C11orf65: variants seen among roughly 807,000 people sequenced by gnomAD.
C11orf65 encodes protein MFI.
Under a neutral mutation model 35.3 loss-of-function variants are expected in C11orf65, and 38 were observed. That is an observed-to-expected ratio of 1.08 (90% CI 0.83 to 1.41). C11orf65 has a LOEUF of 1.41. C11orf65 is among the 40% of genes most tolerant of loss of function. The pLI is 0.00. For missense variants in C11orf65, 370 were observed against 367.1 expected (o/e 1.01, Z -0.06); for synonymous variants, 105 against 114.4 (o/e 0.92, Z 0.53).
intron 3 of C11orf65, among the ~76,000 whole-genome samples, chr11:108,426,893 A>G (rs751714396): frequency 6.6e-6 from 1 of 152,138 alleles, no homozygotes; most frequent in African/African-American, 2.4e-5. Flanking sequence ...CATCTTTGAC[A>G]CTATCTCATT....
intron 2 of C11orf65, among the ~76,000 whole-genome samples, chr11:108,446,846 T>A (rs2135579645): frequency 6.6e-6 from 1 of 152,158 alleles, no homozygotes; most frequent in Admixed American, 6.5e-5. Context: ...GCAAATTGGA[T>A]AAAGAGTCAA....
Position 108,382,951 on chromosome 11 carries a change from A to T in C11orf65, c.*70T>A. ...ACACAAGTTATTCCAGTCAGAATAC[A>T]CTATCTCTTGGCTATAACTGATGGA... is the stretch of plus-strand genomic sequence containing the variant. On this transcript the variant is annotated 3_prime_UTR_variant, in exon 9 of 9. Transcript: ENST00000393084. The T allele has an allele frequency of 6.3e-7, 1 of 1,589,470 alleles. No individual in the cohort carries two copies. Among genetic ancestry groups the T allele is most frequent in the Non-Finnish European group, 8.5e-7 (1 of 1,173,374 alleles).
At chr11:108,393,661 T>G (rs2092225750) in intron 6 of C11orf65, among the ~76,000 whole-genome samples, 1 of 152,154 alleles carries the variant, frequency 6.6e-6, no homozygotes. Flanking sequence ...ATCTTAGAAT[T>G]ATAGAGTGGA....
intron 6 of C11orf65, among the ~76,000 whole-genome samples, chr11:108,398,363 C>T (rs1271028321): frequency 6.6e-6 from 1 of 152,104 alleles, no homozygotes; most frequent in African/African-American, 2.4e-5. Context: ...CTAGGATAAG[C>T]CCTCTGTTTC....
At chr11:108,314,413 AG>A (rs1418298780) in intron 6 of C11orf65, among the ~76,000 whole-genome samples, 6 of 151,574 alleles carry the variant, frequency 4.0e-5, no homozygotes, top group African/African-American at 1.5e-4. Context: ...GCCCATGTAC[AG>A]TTTTAGGTGT....
intron 6 of C11orf65, among the ~76,000 whole-genome samples, chr11:108,312,829 G>C (rs971720301): frequency 6.6e-6 from 1 of 152,080 alleles, no homozygotes; most frequent in African/African-American, 2.4e-5. Context: ...TTATTTGTTT[G>C]CTTGTTTATT....
At position 108,315,823 on chromosome 11, in the gene C11orf65, G is replaced by A. The variant is rs730881378; in HGVS notation, c.641-6752C>T. On this transcript the variant is annotated intron_variant, in intron 6 of 6. Transcript: ENST00000525729. ...ATTTTTGTTGTTTCCATGTTTTCAG[G>A]ATCTTCTCTTAGAAATCTACAGAAG... The A allele has an allele frequency of 6.2e-7, 1 of 1,609,802 alleles. No individual in the cohort carries two copies. The highest frequency in any genetic ancestry group is 8.5e-7 in the Non-Finnish European group (1 of 1,176,414).
intron 8 of C11orf65, among the ~76,000 whole-genome samples, chr11:108,384,293 G>A (rs571020462): frequency 8.1e-4 from 124 of 152,298 alleles, no homozygotes; most frequent in African/African-American, 1.5e-3. Context: ...GGGTGGCAGT[G>A]AGCTGGAAAT....
intron 6 of C11orf65, among the ~76,000 whole-genome samples, chr11:108,324,164 C>T (rs2085434077): frequency 6.6e-6 from 1 of 152,048 alleles, no homozygotes; most frequent in African/African-American, 2.4e-5. Flanking sequence ...GCACATTCTC[C>T]TATTACACGT....
At chr11:108,349,611 T>C (rs1413065910) in intron 2 of C11orf65, among the ~76,000 whole-genome samples, 6 of 151,902 alleles carry the variant, frequency 3.9e-5, no homozygotes, top group African/African-American at 1.5e-4. Flanking sequence ...TGCAGTGAGC[T>C]AAGATCATGC....
At chr11:108,454,914 C>T (rs540418656) in intron 2 of C11orf65, among the ~76,000 whole-genome samples, 21 of 152,206 alleles carry the variant, frequency 1.4e-4, no homozygotes, top group African/African-American at 4.6e-4. Flanking sequence ...CTTCTGATAA[C>T]TTTGGTCTTA....
At chr11:108,322,378 T>A (rs1385417284) in intron 6 of C11orf65, among the ~76,000 whole-genome samples, 1 of 152,218 alleles carries the variant, frequency 6.6e-6, no homozygotes, top group East Asian at 1.9e-4. Context: ...GGCCTCGAAC[T>A]CCTGACCTCA....
At chr11:108,397,318 C>CAA (rs375819570) in intron 6 of C11orf65, among the ~76,000 whole-genome samples, 159 of 87,180 alleles carry the variant, frequency 1.8e-3, no homozygotes, top group Middle Eastern at 8.3e-3. Flanking sequence ...GACTCTTTCT[C>CAA]AAAAAAAAAA....
chr11:108,380,636 C>G (rs573890), downstream of C11orf65, among the ~76,000 whole-genome samples: 81,665 of 152,022 alleles, frequency 0.54, 22,525 homozygotes, highest in Middle Eastern at 0.74. Context: ...GGAAGCCAAG[C>G]GCCCAAAATC....
intron 2 of C11orf65, among the ~76,000 whole-genome samples, chr11:108,349,530 G>A (rs1184298091): frequency 6.6e-6 from 1 of 152,172 alleles, no homozygotes; most frequent in African/African-American, 2.4e-5. Flanking sequence ...GGGCGAGGTG[G>A]TGGGCACCTG....
chr11:108,435,283 G>T (rs1783290529), intron 2 of C11orf65, among the ~76,000 whole-genome samples: 2 of 151,880 alleles, frequency 1.3e-5, no homozygotes, highest in South Asian at 4.2e-4. Context: ...AACTGATACT[G>T]CCACCTGACC....
intron 6 of C11orf65, among the ~76,000 whole-genome samples, chr11:108,395,400 C>A (rs1000512662): frequency 2.6e-5 from 4 of 151,578 alleles, no homozygotes; most frequent in Non-Finnish European, 5.9e-5. Flanking sequence ...TCTCGGCTCA[C>A]TGCAACCTCC....
At chr11:108,467,007 C>A (rs2093548619) in intron 1 of C11orf65, among the ~76,000 whole-genome samples, 1 of 152,010 alleles carries the variant, frequency 6.6e-6, no homozygotes, top group African/African-American at 2.4e-5. Flanking sequence ...TCTTTAAAAA[C>A]GCGTTTCCCT....
intron 2 of C11orf65, among the ~76,000 whole-genome samples, chr11:108,450,288 C>T (rs1044012972): frequency 5.9e-5 from 9 of 151,798 alleles, no homozygotes; most frequent in Admixed American, 1.3e-4. Flanking sequence ...ACTGGGTATA[C>T]ACCCAAAGGA....
Sources: gnomAD v4.1 joint callset for allele counts (sites outside exome capture counted in the v4.1 genomes callset) on GRCh38, gnomAD v4.1.1 for gene constraint, MANE v1.5 for transcripts, NCBI Gene and HGNC (gene_info 2026-07-23, HGNC 2026-07-21) for gene names.